The following SGCD variants were observed in gnomAD, a reference collection of about 807,000 sequenced individuals.
SGCD encodes sarcoglycan delta.
Under a neutral mutation model 36.6 loss-of-function variants are expected in SGCD, and 18 were observed. That is an observed-to-expected ratio of 0.49 (90% CI 0.34 to 0.73). The LOEUF is 0.73. Ranked by LOEUF, SGCD falls within the 30% of genes least tolerant of loss-of-function variation. SGCD has a pLI of 0.01. For missense variants in SGCD, 387 were observed against 346.7 expected, an observed-to-expected ratio of 1.12 and a Z score of -0.92; for synonymous variants, 133 against 130.6, an observed-to-expected ratio of 1.02 and a Z score of -0.12.
intron 3 of SGCD, among the ~76,000 whole-genome samples, chr5:156,466,788 A>T (rs1754738760): frequency 6.6e-6 from 1 of 152,220 alleles, no homozygotes; most frequent in African/African-American, 2.4e-5. Context: ...TTTGAAAATT[A>T]TACCAAAAAA....
At chr5:156,385,022 T>A (rs1187637859) in intron 3 of SGCD, among the ~76,000 whole-genome samples, 3 of 151,994 alleles carry the variant, frequency 2.0e-5, no homozygotes, top group African/African-American at 7.2e-5. Context: ...CATGGGTGGG[T>A]GGTGCAGGAA....
intron 3 of SGCD, among the ~76,000 whole-genome samples, chr5:156,281,868 C>T (rs1766460973): frequency 6.6e-6 from 1 of 152,102 alleles, no homozygotes; most frequent in African/African-American, 2.4e-5. Context: ...TAGGCCCTCT[C>T]ATTATAGTAA....
chr5:156,683,091 T>G (rs762615202), intron 7 of SGCD, among the ~76,000 whole-genome samples: 9 of 152,170 alleles, frequency 5.9e-5, no homozygotes, highest in Non-Finnish European at 1.0e-4. Flanking sequence ...TGGGGTGATC[T>G]GAGTGAGTGA....
the SGCD span, among the ~76,000 whole-genome samples, chr5:155,845,023 C>G: frequency 1.3e-5 from 2 of 152,100 alleles, no homozygotes; most frequent in Admixed American, 1.3e-4. Flanking sequence ...GCTATTCCTC[C>G]CCTAGTCCCC....
At chr5:155,784,630 G>A in the SGCD span, among the ~76,000 whole-genome samples, 36 of 130,140 alleles carry the variant, frequency 2.8e-4, no homozygotes, top group African/African-American at 9.8e-4. Context: ...ACAATTGGAT[G>A]TAAGAGCTCC....
chr5:156,087,594 C>G (rs568687087), intron 1 of SGCD, among the ~76,000 whole-genome samples: 1 of 143,006 alleles, frequency 7.0e-6, no homozygotes, highest in Non-Finnish European at 1.5e-5. Context: ...GAGCCGAGAT[C>G]GAGCCATTGC....
At chr5:155,853,665 G>A in the SGCD span, among the ~76,000 whole-genome samples, 1 of 152,232 alleles carries the variant, frequency 6.6e-6, no homozygotes, top group African/African-American at 2.4e-5. Context: ...CAGGTTTCGC[G>A]TGTACTTGTG....
At chr5:156,001,323 T>C (rs1247304217) in intron 1 of SGCD, among the ~76,000 whole-genome samples, 1 of 152,214 alleles carries the variant, frequency 6.6e-6, no homozygotes, top group Non-Finnish European at 1.5e-5. Context: ...TCACTACTTT[T>C]TGAGTCAAAA....
At chr5:156,688,468 C>G (rs1199801439) in intron 7 of SGCD, among the ~76,000 whole-genome samples, 1 of 152,144 alleles carries the variant, frequency 6.6e-6, no homozygotes, top group Non-Finnish European at 1.5e-5. Context: ...TAGTAAACAA[C>G]AGAAACTCAT....
At chr5:156,334,975 G>T (rs1426846204) in intron 2 of SGCD, among the ~76,000 whole-genome samples, 1 of 152,184 alleles carries the variant, frequency 6.6e-6, no homozygotes, top group Non-Finnish European at 1.5e-5. Flanking sequence ...AACCCGGCCT[G>T]AGTTTAAGTT....
chr5:155,850,313 G>A, the SGCD span, among the ~76,000 whole-genome samples: 2 of 152,116 alleles, frequency 1.3e-5, no homozygotes, highest in African/African-American at 4.8e-5. Context: ...GCTGAAACCT[G>A]CCTAGCCTCA....
At chr5:155,816,294 C>T in the SGCD span, among the ~76,000 whole-genome samples, 1 of 151,964 alleles carries the variant, frequency 6.6e-6, no homozygotes, top group East Asian at 1.9e-4. Flanking sequence ...CCTACTGTTG[C>T]CTGGAAGTCT....
At chr5:155,756,779 A>T in the SGCD span, among the ~76,000 whole-genome samples, 1 of 152,226 alleles carries the variant, frequency 6.6e-6, no homozygotes, top group South Asian at 2.1e-4. Flanking sequence ...AAGCTGTCCA[A>T]GGAATGACAA....
the SGCD span, among the ~76,000 whole-genome samples, chr5:155,831,011 T>C: frequency 6.6e-6 from 1 of 152,248 alleles, no homozygotes; most frequent in Admixed American, 6.5e-5. Context: ...CTGAACCCCA[T>C]ACATTCATTG....
At chr5:155,890,242 A>G (rs17617422) in intron 1 of SGCD, among the ~76,000 whole-genome samples, 29,027 of 152,136 alleles carry the variant, frequency 0.19, 3,637 homozygotes, top group Admixed American at 0.42. Context: ...TTATTGGTGT[A>G]GATTGTTTGG....
chr5:156,602,137 A>G (rs1345697489), intron 6 of SGCD, among the ~76,000 whole-genome samples: 1 of 151,418 alleles, frequency 6.6e-6, no homozygotes, highest in African/African-American at 2.5e-5. Context: ...AATGTTGTAT[A>G]GTTTTCAGTA....
At chr5:156,343,037 C>G (rs1344303997) in intron 2 of SGCD, among the ~76,000 whole-genome samples, 1 of 152,046 alleles carries the variant, frequency 6.6e-6, no homozygotes, top group African/African-American at 2.4e-5. Context: ...TGGAATTCCA[C>G]TGATGCCTAA....
At chr5:156,178,140 A>C (rs1338216747) in intron 3 of SGCD, among the ~76,000 whole-genome samples, 2 of 152,084 alleles carry the variant, frequency 1.3e-5, no homozygotes, top group Non-Finnish European at 2.9e-5. Flanking sequence ...ACTGTGAAAA[A>C]CTGTGATTGT....
At chr5:155,944,750 GTT>G (rs1316515476) in intron 1 of SGCD, among the ~76,000 whole-genome samples, 4 of 152,168 alleles carry the variant, frequency 2.6e-5, no homozygotes, top group African/African-American at 9.7e-5. Flanking sequence ...AATGTGGTAA[GTT>G]TATGATTGCA....
Sources: allele counts gnomAD v4.1 joint callset (sites outside exome capture counted in the v4.1 genomes callset), GRCh38; gene constraint gnomAD v4.1.1; transcripts MANE v1.5; gene names NCBI Gene and HGNC (gene_info 2026-07-23, HGNC 2026-07-21).